Variants in TXLNB observed in about 807,000 individuals in gnomAD.
The protein encoded by TXLNB is taxilin beta.
A neutral mutation model predicts 57.4 loss-of-function variants in TXLNB; 37 were observed. That is an observed-to-expected ratio of 0.64 (90% CI 0.50 to 0.85). TXLNB has a LOEUF of 0.85. Among genes scored for constraint, TXLNB ranks in the 40% least tolerant of loss-of-function variants. TXLNB has a pLI of 0.00. For synonymous variants in TXLNB, 302 were observed against 309.6 expected (o/e 0.98, Z 0.26); for missense variants, 848 against 825.6 (o/e 1.03, Z -0.33).
the TXLNB span, chr6:139,179,729 G>A: frequency 6.6e-6 from 1 of 152,110 alleles, no homozygotes; most frequent in Non-Finnish European, 1.5e-5. Context: ...AGCTTGCCCT[G>A]AATACTTTGA....
At chr6:139,238,745 A>G (rs1352999988), downstream of TXLNB, among the ~76,000 whole-genome samples, 3 of 152,208 alleles carry the variant, frequency 2.0e-5, no homozygotes, top group Non-Finnish European at 1.5e-5. Context: ...CTTATGCCTC[A>G]CTCGCCTGTG....
the TXLNB span, among the ~76,000 whole-genome samples, chr6:139,189,735 G>A: frequency 6.6e-6 from 1 of 152,144 alleles, no homozygotes; most frequent in African/African-American, 2.4e-5. Flanking sequence ...AGAGGTCAGA[G>A]CCAGATGAAA....
intron 1 of TXLNB, among the ~76,000 whole-genome samples, chr6:139,289,798 G>C (rs1450008882): frequency 6.6e-6 from 1 of 151,994 alleles, no homozygotes; most frequent in East Asian, 1.9e-4. Context: ...AATATAAAGT[G>C]GTATTAGTTT....
chr6:139,206,148 A>T, the TXLNB span, among the ~76,000 whole-genome samples: 2 of 152,164 alleles, frequency 1.3e-5, no homozygotes, highest in East Asian at 3.8e-4. Context: ...CCACTACCAA[A>T]CCGGCACTAC....
rs1409620747 is a variant in TXLNB at position 139,242,677 on chromosome 6, C to G, written c.1904G>C (p.Cys635Ser). 2 of 1,611,130 alleles carry G rather than the reference C, an allele frequency of 1.2e-6. No homozygotes were observed. The highest frequency in any genetic ancestry group is 2.2e-5 in the South Asian group (2 of 90,906). Residue 635 changes from cysteine (C) to serine (S), a missense_variant, in exon 10 of 10, where the codon TGC becomes TCC. By Grantham distance (112) the Cys-to-Ser change is moderately radical (BLOSUM62 -1). Coordinates refer to ENST00000358430, the MANE Select transcript of TXLNB (RefSeq NM_153235.4). ...KMEADVPAPA[C>S]AAEEHVAAMV... is the part of the protein sequence containing the mutation. ...GGCTGCAACGTGCTCTTCTGCTGCG[C>G]ATGCTGGAGCAGGCACATCTGCCTC...
the TXLNB span, among the ~76,000 whole-genome samples, chr6:139,207,702 T>C: frequency 6.6e-6 from 1 of 152,108 alleles, no homozygotes; most frequent in Non-Finnish European, 1.5e-5. Context: ...GTTGGTTCTT[T>C]GAAAAGAGCA....
chr6:139,207,952 T>C, the TXLNB span, among the ~76,000 whole-genome samples: 1 of 152,144 alleles, frequency 6.6e-6, no homozygotes. Flanking sequence ...GGTGCGCACC[T>C]ATAATCCCAG....
chr6:139,270,469 T>C lies in TXLNB; in HGVS notation c.674A>G (p.Asn225Ser), dbSNP rs752059304. 1.9e-6 allele frequency: 3 copies of C among 1,613,900 alleles called. No homozygotes were observed. Among genetic ancestry groups the C allele is most frequent in the Non-Finnish European group, 8.5e-7 (1 of 1,179,934 alleles). ...ESLCRELQRH[N>S]KTLKEEALQR... ...ATGGGGACATACCTTCAGAGTCTTG[T>C]TGTGTCTCTGCAGCTCCCGGCACAG... is the stretch of plus-strand genomic sequence containing the variant. The change falls in exon 4 of 10, where the codon AAC (asparagine) becomes AGC (serine). Residue 225 changes from asparagine to serine, a missense_variant. Transcript: ENST00000358430.
the TXLNB span, among the ~76,000 whole-genome samples, chr6:139,212,148 A>G: frequency 6.6e-6 from 1 of 152,200 alleles, no homozygotes; most frequent in Non-Finnish European, 1.5e-5. Context: ...ATACTCCTCG[A>G]GAAGAGCAAC....
chr6:139,252,713 C>T (rs1019926033), intron 7 of TXLNB, among the ~76,000 whole-genome samples: 10 of 152,298 alleles, frequency 6.6e-5, no homozygotes, highest in South Asian at 2.1e-4. Context: ...CCTGTTGGGC[C>T]GGGCGCAGTG....
At chr6:139,313,113 C>T in the TXLNB span, among the ~76,000 whole-genome samples, 4 of 151,412 alleles carry the variant, frequency 2.6e-5, no homozygotes, top group East Asian at 5.8e-4. Flanking sequence ...CGCTCTGTTG[C>T]CCAGGCTGGA....
the TXLNB span, among the ~76,000 whole-genome samples, chr6:139,220,244 A>G: frequency 6.6e-6 from 1 of 152,220 alleles, no homozygotes; most frequent in Non-Finnish European, 1.5e-5. Flanking sequence ...GTACCTTGAT[A>G]CTGGACTTCT....
the TXLNB span, among the ~76,000 whole-genome samples, chr6:139,163,140 G>A: frequency 1.3e-4 from 20 of 152,240 alleles, no homozygotes; most frequent in South Asian, 3.9e-3. Flanking sequence ...TTCTTAACTC[G>A]GGGTGATTTT....
chr6:139,292,087 C>T, upstream of TXLNB: 1 of 123,364 alleles, frequency 8.1e-6, no homozygotes, highest in South Asian at 2.7e-4. The surrounding 1 kb of genome is among the most constrained non-coding windows in gnomAD (Gnocchi z 4.0). Flanking sequence ...CACGCGCGCG[C>T]ACACACACAC....
At chr6:139,286,569 G>A (rs1777180386) in intron 2 of TXLNB, among the ~76,000 whole-genome samples, 1 of 152,190 alleles carries the variant, frequency 6.6e-6, no homozygotes. Flanking sequence ...CAGCACTTTG[G>A]GAGGGTGAGG....
chr6:139,314,419 T>G, the TXLNB span, among the ~76,000 whole-genome samples: 1 of 152,236 alleles, frequency 6.6e-6, no homozygotes, highest in Non-Finnish European at 1.5e-5. Flanking sequence ...AACTGCCAAT[T>G]AAGAAATCTT....
At chr6:139,296,479 G>A, upstream of TXLNB, among the ~76,000 whole-genome samples, 1 of 151,900 alleles carries the variant, frequency 6.6e-6, no homozygotes. Context: ...ATGATGTTCT[G>A]AAGTTTCACA....
At chr6:139,318,399 A>T in the TXLNB span, among the ~76,000 whole-genome samples, 1 of 152,072 alleles carries the variant, frequency 6.6e-6, no homozygotes, top group Admixed American at 6.6e-5. Flanking sequence ...ACGTATGTGT[A>T]ATTAGATCCC....
the TXLNB span, among the ~76,000 whole-genome samples, chr6:139,226,808 A>G: frequency 6.6e-6 from 1 of 152,064 alleles, no homozygotes; most frequent in Admixed American, 6.6e-5. Context: ...CAGGCAGATC[A>G]CTTAAGTCAG....
Sources: gnomAD v4.1 joint callset for allele counts (sites outside exome capture counted in the v4.1 genomes callset) on GRCh38, gnomAD v4.1.1 for gene constraint, Gnocchi (gnomAD v3.1) non-coding constraint, MANE v1.5 for transcripts, NCBI Gene and HGNC (gene_info 2026-07-23, HGNC 2026-07-21) for gene names.